The following FBLIM1 variants were observed in gnomAD, a reference collection of about 807,000 sequenced individuals.
FBLIM1 encodes the protein filamin-binding LIM protein 1.
Under a neutral mutation model 37.4 loss-of-function variants are expected in FBLIM1, and 29 were observed. That is an observed-to-expected ratio of 0.77 (90% CI 0.58 to 1.06). FBLIM1 has a LOEUF of 1.06. Among genes scored for constraint, FBLIM1 ranks in the 50% least tolerant of loss-of-function variants. The pLI is 0.00. For synonymous variants in FBLIM1, 193 were observed against 199.0 expected (o/e 0.97, Z 0.25); for missense variants, 449 against 505.6 (o/e 0.89, Z 1.07).
chr1:15,782,084 G>A (rs2069658651), intron 8 of FBLIM1, among the ~76,000 whole-genome samples: 2 of 151,844 alleles, frequency 1.3e-5, no homozygotes, highest in South Asian at 4.1e-4. Flanking sequence ...CCTAGTGACA[G>A]TCTTGTGAGA....
rs535714305 is a variant in FBLIM1, at chr1:15,783,979, A to G, written c.1009-569A>G. Among the ~76,000 whole-genome samples, 242 of 152,250 alleles carry G rather than the reference A, an allele frequency of 1.6e-3. 1 individual carries two copies. The highest frequency in any genetic ancestry group is 5.5e-3 in the African/African-American group (230 of 41,588). On this transcript the variant is annotated intron_variant, in intron 8 of 8. Transcript: ENST00000375766. ...CAAGGTGGGCGGATCACTTGAGGTC[A>G]GGAGATCGAGACCAGCCTGACCAAC...
intron 1 of FBLIM1, among the ~76,000 whole-genome samples, chr1:15,760,243 G>A (rs979173522): frequency 6.8e-5 from 10 of 146,800 alleles, no homozygotes; most frequent in African/African-American, 2.5e-4. Context: ...AAATAACAAA[G>A]CTTAAGCCGG....
At chr1:15,781,143 C>T (rs1004160185) in intron 8 of FBLIM1, among the ~76,000 whole-genome samples, 1 of 151,784 alleles carries the variant, frequency 6.6e-6, no homozygotes, top group Non-Finnish European at 1.5e-5. Flanking sequence ...CTGAGGCAGG[C>T]GGTCAAGAGA....
chr1:15,774,581 G>A (rs1311829721), intron 6 of FBLIM1, 37 bp from the exon 7 acceptor site: 7 of 1,575,270 alleles, frequency 4.4e-6, no homozygotes, highest in Non-Finnish European at 6.0e-6. Flanking sequence ...TGGGGTGGGT[G>A]TGTCGTGGAT....
intron 8 of FBLIM1, 76 bp downstream of exon 8, chr1:15,777,363 G>A (rs1250437481): frequency 5.7e-6 from 6 of 1,047,774 alleles, no homozygotes; most frequent in Non-Finnish European, 8.8e-6. Context: ...TTGGACATGG[G>A]GACAGGTCAG....
At chr1:15,771,508 A>C (rs757465158) in intron 6 of FBLIM1, among the ~76,000 whole-genome samples, 4 of 151,908 alleles carry the variant, frequency 2.6e-5, no homozygotes, top group Non-Finnish European at 5.9e-5. Flanking sequence ...GGCCTCACAA[A>C]GTGCTGGGAT....
At chr1:15,781,845 A>G (rs142167414) in intron 8 of FBLIM1, among the ~76,000 whole-genome samples, 4,115 of 148,326 alleles carry the variant, frequency 0.028, 198 homozygotes, top group African/African-American at 0.094. Context: ...CAGCCTCCCG[A>G]GTAGCTGGGA....
intron 7 of FBLIM1, 37 bp downstream of exon 7, chr1:15,774,833 G>A (rs1345550426): frequency 6.2e-7 from 1 of 1,613,958 alleles, no homozygotes; most frequent in Admixed American, 1.7e-5. Context: ...GGGGTGCAGG[G>A]ACAGGGCGAG....
Position 15,765,901 on chromosome 1 carries a change from C to T in FBLIM1, c.250+668C>T, listed in dbSNP as rs1201359819. Among the ~76,000 whole-genome samples the T allele has an allele frequency of 6.6e-6, 1 of 152,182 alleles. No individual in the cohort carries two copies. Among genetic ancestry groups the T allele is most frequent in the Non-Finnish European group, 1.5e-5 (1 of 68,040 alleles). On this transcript the variant is annotated intron_variant, in intron 3 of 8. Coordinates refer to ENST00000375766, the MANE Select transcript of FBLIM1 (RefSeq NM_017556.4). The surrounding 1 kb of genome is among the most constrained non-coding windows in gnomAD (Gnocchi z 5.9). ...GGGAGGCAGGCACTGGGAGAGGCCA[C>T]AGCACTCTTACTGCCTCTCCAAGAC... is the stretch of plus-strand genomic sequence containing the variant.
chr1:15,765,120 C>CT lies in FBLIM1; in HGVS notation c.138dup (p.Ala47CysfsTer49). On this transcript the variant is annotated frameshift_variant, in exon 3 of 9. Transcript: ENST00000375766. LOFTEE classifies it high-confidence loss of function. This position sits in a 1 kb window ranked among gnomAD's most constrained non-coding sequence, Gnocchi z 5.9. ...CGGCGTGGCCGCCCCTGGGAGGCTC[C>CT]TGCCCCCATGAAGACACCCGAGGCT... 7 of 1,613,848 alleles carry CT rather than the reference C, an allele frequency of 4.3e-6. No individual in the cohort carries two copies. The highest frequency in any genetic ancestry group is 1.1e-5 in the South Asian group (1 of 91,082).
Position 15,761,692 on chromosome 1 carries a change from C to A in FBLIM1, c.-210-2804C>A, listed in dbSNP as rs565684487. Among the ~76,000 whole-genome samples, 10 of 152,322 alleles carry A rather than the reference C, an allele frequency of 6.6e-5. No homozygotes were observed. The South Asian group carries it at 2.1e-3, about 32-fold the overall frequency. On this transcript the variant is annotated intron_variant, in intron 1 of 8. Coordinates refer to ENST00000375766, the MANE Select transcript of FBLIM1 (RefSeq NM_017556.4). The stretch of plus-strand genomic sequence containing the variant: ...TTTAAAATAAGTTTTGAAGCTCTTT[C>A]CTAATATATTGGTTTCTTCCTCAGA...
At chr1:15,771,299 T>G (rs1214989727) in intron 6 of FBLIM1, among the ~76,000 whole-genome samples, 2 of 148,506 alleles carry the variant, frequency 1.3e-5, no homozygotes, top group African/African-American at 2.5e-5. Context: ...CCAGCTGGAG[T>G]GCAGTCGTAC....
At chr1:15,762,060 G>A (rs2148465333) in intron 1 of FBLIM1, among the ~76,000 whole-genome samples, 1 of 152,008 alleles carries the variant, frequency 6.6e-6, no homozygotes, top group African/African-American at 2.4e-5. Context: ...CAGGGTATCA[G>A]GGTGCCACCA....
chr1:15,784,561 T>A lies in FBLIM1; in HGVS notation c.1022T>A (p.Leu341His). 6.2e-7 allele frequency: 1 copy of A among 1,613,846 alleles called. No individual in the cohort carries two copies. The highest frequency in any genetic ancestry group is 8.5e-7 in the Non-Finnish European group (1 of 1,179,780). The change falls in exon 9 of 9, where the codon CTC becomes CAC. Residue 341 changes from leucine (L) to histidine (H), a missense_variant. Physicochemically the swap from Leu to His is moderately conservative, Grantham distance 99 (BLOSUM62 -3). Coordinates refer to ENST00000375766, the MANE Select transcript of FBLIM1 (RefSeq NM_017556.4). ...NCYRCEDCRI[L>H]LSVEPTDQGC... ...TTGTCTCCCCAGGACTGCAGGATCC[T>A]CCTGTCTGTCGAGCCCACGGACCAA...
In FBLIM1 at chr1:15,765,389, G is replaced by A. The variant is rs1461707185; in HGVS notation, c.250+156G>A. Among the ~76,000 whole-genome samples, 2 of 152,126 alleles carry A rather than the reference G, an allele frequency of 1.3e-5. No homozygotes were observed. Among genetic ancestry groups the A allele is most frequent in the South Asian group, 2.1e-4 (1 of 4,826 alleles). On this transcript the variant is annotated intron_variant, in intron 3 of 8. Coordinates refer to ENST00000375766, the MANE Select transcript of FBLIM1 (RefSeq NM_017556.4). This position sits in a 1 kb window ranked among gnomAD's most constrained non-coding sequence, Gnocchi z 5.9. Reference sequence around the variant, plus strand: ...GATGTGCCCCTTCTGGGTGGGCAAGGGAGCCCGGGAAATAGAGGCTAGATG... The same window carrying A: ...GATGTGCCCCTTCTGGGTGGGCAAGAGAGCCCGGGAAATAGAGGCTAGATG...
At chr1:15,779,350 G>C (rs1366769990) in intron 8 of FBLIM1, among the ~76,000 whole-genome samples, 1 of 152,018 alleles carries the variant, frequency 6.6e-6, no homozygotes, top group Non-Finnish European at 1.5e-5. Context: ...TGTCACCCAG[G>C]CTGGAGTGCA....
chr1:15,780,964 C>T (rs2069619376), intron 8 of FBLIM1, among the ~76,000 whole-genome samples: 1 of 152,136 alleles, frequency 6.6e-6, no homozygotes, highest in Non-Finnish European at 1.5e-5. Context: ...GTGACTGGCA[C>T]CTTCCTGAGC....
intron 6 of FBLIM1, among the ~76,000 whole-genome samples, chr1:15,772,247 C>T (rs1260361755): frequency 6.6e-6 from 1 of 152,194 alleles, no homozygotes; most frequent in Non-Finnish European, 1.5e-5. Context: ...AGAATCCAAA[C>T]AATCCAATCC....
chr1:15,767,203 T>C (rs2068966016), intron 3 of FBLIM1, among the ~76,000 whole-genome samples, 173 bp from the exon 4 acceptor site: 1 of 151,944 alleles, frequency 6.6e-6, no homozygotes, highest in Non-Finnish European at 1.5e-5. Flanking sequence ...TGAGATTAAG[T>C]TTCTTGCCTA....
Sources: allele counts gnomAD v4.1 joint callset (sites outside exome capture counted in the v4.1 genomes callset), GRCh38; gene constraint gnomAD v4.1.1; non-coding constraint Gnocchi (gnomAD v3.1); transcripts MANE v1.5; gene names NCBI Gene and HGNC (gene_info 2026-07-23, HGNC 2026-07-21).